Variants in RERG observed in about 807,000 individuals in gnomAD.
The protein encoded by RERG is ras-related and estrogen-regulated growth inhibitor.
Under a neutral mutation model 23.2 loss-of-function variants are expected in RERG, and 25 were observed. The observed-to-expected ratio is 1.08, with a 90% CI of 0.79 to 1.50. The LOEUF is 1.50. RERG is among the 40% of genes most tolerant of loss of function. The probability of loss-of-function intolerance (pLI) is 0.00; values close to 1 mark genes in which losing one functional copy is unlikely to be tolerated. For synonymous variants in RERG, 81 were observed against 89.1 expected, an observed-to-expected ratio of 0.91 and a Z score of 0.51; for missense variants, 253 against 250.1, an observed-to-expected ratio of 1.01 and a Z score of -0.08.
At chr12:15,125,287 A>G (rs1490395397) in intron 2 of RERG, among the ~76,000 whole-genome samples, 1 of 152,018 alleles carries the variant, frequency 6.6e-6, no homozygotes, top group Admixed American at 6.5e-5. Flanking sequence ...ATGGGTTGTG[A>G]TATGTATATT....
chr12:15,161,160 A>AAGAAAG (rs1864602423), intron 2 of RERG, among the ~76,000 whole-genome samples: 1 of 126,346 alleles, frequency 7.9e-6, no homozygotes, highest in Non-Finnish European at 1.7e-5. Flanking sequence ...GAAAGAAAGA[A>AAGAAAG]AGAAAGAAAG....
In RERG at chr12:15,138,093, C is replaced by G. The variant is rs544532455; in HGVS notation, c.62-16974G>C. 46 of 257,110 alleles carry G rather than the reference C, an allele frequency of 1.8e-4. 3 individuals are homozygous for G. The South Asian group carries it at 1.9e-3, about 11-fold the overall frequency. 15.9% of individuals were successfully genotyped at this position (257,110 alleles called of 1,614,324 possible). On this transcript the variant is annotated intron_variant, in intron 2 of 4. Coordinates refer to ENST00000256953, the MANE Select transcript of RERG (RefSeq NM_032918.3). ...AATGCTTCAGATATTTCATTTCACT[C>G]TTTTCTTGCTTGCATAATTTCTGAG... is the stretch of plus-strand genomic sequence containing the variant.
chr12:15,109,413 C>A lies in RERG; in HGVS notation c.297G>T (p.Lys99Asn), dbSNP rs1343889036. ...GCTTTTTGATCTCATCTAGGATGTT[C>A]TTAAGTGGCAGCACTTCCTCAAAAC... ...RGSFEEVLPL[K>N]NILDEIKKPK... is the part of the protein sequence containing the mutation. Residue 99 changes from lysine (K) to asparagine (N), a missense_variant, in exon 5 of 5, where the codon AAG (lysine) becomes AAT (asparagine). Lys to Asn is a moderately conservative substitution (Grantham distance 94, BLOSUM62 0). Transcript: ENST00000256953. 2.5e-6 allele frequency: 4 copies of A among 1,614,012 alleles called. No homozygotes were observed. Among genetic ancestry groups the A allele is most frequent in the Non-Finnish European group, 2.5e-6 (3 of 1,179,986 alleles).
intron 2 of RERG, among the ~76,000 whole-genome samples, chr12:15,195,180 G>A (rs929100136): frequency 4.6e-5 from 7 of 152,048 alleles, no homozygotes; most frequent in South Asian, 2.1e-4. Context: ...GATAGCCCAC[G>A]AGATATGATG....
intron 2 of RERG, among the ~76,000 whole-genome samples, chr12:15,209,486 C>A (rs959811435): frequency 1.3e-5 from 2 of 151,866 alleles, no homozygotes; most frequent in Admixed American, 6.6e-5. Context: ...GAAACATATT[C>A]TTTAGCAAAA....
At chr12:15,188,142 G>A (rs1865019763) in intron 2 of RERG, among the ~76,000 whole-genome samples, 1 of 152,130 alleles carries the variant, frequency 6.6e-6, no homozygotes, top group Admixed American at 6.5e-5. Flanking sequence ...GCTAATTAGT[G>A]AGAAAGCCAA....
chr12:15,110,013 C>A (rs1301951688), intron 4 of RERG, among the ~76,000 whole-genome samples: 1 of 152,106 alleles, frequency 6.6e-6, no homozygotes, highest in Admixed American at 6.5e-5. Flanking sequence ...AGATTATAGA[C>A]AATTAGACTC....
chr12:15,163,591 C>T (rs1864644732), intron 2 of RERG, among the ~76,000 whole-genome samples: 1 of 152,164 alleles, frequency 6.6e-6, no homozygotes, highest in Non-Finnish European at 1.5e-5. Context: ...AACCACTCTA[C>T]GTCTTTCAAA....
rs965206193 is a variant in RERG, at chr12:15,209,055, T to C, written c.61+8374A>G. 2.6e-5 allele frequency among the ~76,000 whole-genome samples: 4 copies of C among 152,200 alleles called. No homozygotes were observed. In the East Asian group the frequency reaches 7.7e-4, roughly 29 times the overall value. On this transcript the variant is annotated intron_variant, in intron 2 of 4. Transcript: ENST00000256953. Reference sequence around the variant, plus strand: ...CCGGATATGCTGTCACATTCCTCCCTGCTAGGCAGTCCATGGAGGAACACA... The same window carrying C: ...CCGGATATGCTGTCACATTCCTCCCCGCTAGGCAGTCCATGGAGGAACACA...
intron 2 of RERG, among the ~76,000 whole-genome samples, chr12:15,211,488 T>C (rs1396946269): frequency 2.6e-5 from 4 of 152,038 alleles, no homozygotes; most frequent in Non-Finnish European, 4.4e-5. Flanking sequence ...GTCAAACTCA[T>C]AGACACAGAG....
intron 3 of RERG, among the ~76,000 whole-genome samples, chr12:15,120,137 G>A (rs1185424120): frequency 1.3e-5 from 2 of 151,932 alleles, no homozygotes; most frequent in Non-Finnish European, 2.9e-5. Context: ...AAAAATGTTG[G>A]GTTTTCACCT....
intron 2 of RERG, among the ~76,000 whole-genome samples, chr12:15,180,153 T>C (rs1365848341): frequency 6.6e-6 from 1 of 152,104 alleles, no homozygotes; most frequent in African/African-American, 2.4e-5. Context: ...AATATAATAG[T>C]GTCTTTTTAA....
chr12:15,133,173 A>ATATATG (rs1491445427), intron 2 of RERG, among the ~76,000 whole-genome samples: 1 of 139,768 alleles, frequency 7.2e-6, no homozygotes, highest in Non-Finnish European at 1.5e-5. Flanking sequence ...ATATATATAT[A>ATATATG]TGTACATGTA....
At chr12:15,128,907 T>A (rs1221039446) in intron 2 of RERG, among the ~76,000 whole-genome samples, 1 of 152,156 alleles carries the variant, frequency 6.6e-6, no homozygotes, top group Non-Finnish European at 1.5e-5. Flanking sequence ...GGTCCAACAC[T>A]TTTAGTTCTT....
chr12:15,167,915 C>T (rs11056385), intron 2 of RERG, among the ~76,000 whole-genome samples: 17,650 of 152,010 alleles, frequency 0.12, 1,040 homozygotes, highest in Middle Eastern at 0.15. Context: ...ACAAATTGCC[C>T]TTTGAAAGTT....
At chr12:15,138,961 GTATATGATCCA>G (rs1864188739) in intron 2 of RERG, among the ~76,000 whole-genome samples, 2 of 136,180 alleles carry the variant, frequency 1.5e-5, no homozygotes, top group South Asian at 4.7e-4. Context: ...TTACATTTAG[GTATATGATCCA>G]TTTTGATTAA....
rs1437642555 is a variant in RERG, at chr12:15,221,251, C to G, written c.-171G>C. 4 of 152,334 alleles carry G rather than the reference C, an allele frequency of 2.6e-5. No individual in the cohort carries two copies. The highest frequency in any genetic ancestry group is 5.9e-5 in the Non-Finnish European group (4 of 68,140). 9.4% of individuals were successfully genotyped at this position (152,334 alleles called of 1,614,324 possible). ...GGTCCTCTGCAAGTTCGGAATGGGT[C>G]CCCCAAGATCGCGAAGCCCTCCCAC... On this transcript the variant is annotated 5_prime_UTR_variant, in exon 1 of 5. Transcript: ENST00000256953.
chr12:15,195,674 A>G (rs773031012), intron 2 of RERG, among the ~76,000 whole-genome samples: 4 of 151,370 alleles, frequency 2.6e-5, no homozygotes, highest in Admixed American at 6.6e-5. Flanking sequence ...CTCAAATTGA[A>G]CTGCGGTCAA....
chr12:15,183,595 G>A (rs1864954063), intron 2 of RERG, among the ~76,000 whole-genome samples: 1 of 151,986 alleles, frequency 6.6e-6, no homozygotes, highest in Non-Finnish European at 1.5e-5. Flanking sequence ...TTTCCCTCAA[G>A]TTATGTAAAG....
Sources: allele counts gnomAD v4.1 joint callset (sites outside exome capture counted in the v4.1 genomes callset), GRCh38; gene constraint gnomAD v4.1.1; transcripts MANE v1.5; gene names NCBI Gene and HGNC (gene_info 2026-07-23, HGNC 2026-07-21).